The following RO60 variants were observed in gnomAD, a reference collection of about 807,000 sequenced individuals.
The protein encoded by RO60 is Ro60, Y RNA binding protein.
Under a neutral mutation model 55.3 loss-of-function variants are expected in RO60, and 20 were observed. That is an observed-to-expected ratio of 0.36 (90% CI 0.25 to 0.53). The LOEUF (loss-of-function observed/expected upper bound fraction) is 0.53, where lower values mean the gene tolerates loss of function less well. Among genes scored for constraint, RO60 ranks in the 20% least tolerant of loss-of-function variants. The pLI is 0.92. For missense variants in RO60, 558 were observed against 646.6 expected, an observed-to-expected ratio of 0.86 and a Z score of 1.49; for synonymous variants, 213 against 213.6, an observed-to-expected ratio of 1.00 and a Z score of 0.02.
chr1:193,074,143 A>G lies in RO60; in HGVS notation c.581-1677A>G, dbSNP rs192011599. ...TCTTAATCCAGTCTATCATTGCTGG[A>G]CATTTGGGCTGGTTCCAAGTCTTTG... On this transcript the variant is annotated intron_variant, in intron 2 of 8. Transcript: ENST00000400968. Among the ~76,000 whole-genome samples, 68 of 152,232 alleles carry G rather than the reference A, an allele frequency of 4.5e-4. 1 individual carries two copies. In the East Asian group the frequency reaches 9.8e-3, roughly 22 times the overall value.
intron 1 of RO60, among the ~76,000 whole-genome samples, chr1:193,062,108 A>G (rs945838186): frequency 5.3e-5 from 8 of 152,196 alleles, no homozygotes; most frequent in Non-Finnish European, 7.4e-5. Context: ...AGAGCACTAG[A>G]TAGATAGGTC....
chr1:193,077,917 A>G (rs943901066), intron 5 of RO60, among the ~76,000 whole-genome samples: 3 of 148,350 alleles, frequency 2.0e-5, no homozygotes, highest in African/African-American at 7.4e-5. Flanking sequence ...TAATTGGTAG[A>G]TAGATCTCAT....
Position 193,059,754 on chromosome 1 carries a change from A to C in RO60, c.-44A>C. ...CTTCTCCTGGCGGCGCTGCGGATCCAGGGGGTCGGCTGCCAGGTACAGGTG... is the reference window on the plus strand; with the variant it reads ...CTTCTCCTGGCGGCGCTGCGGATCCCGGGGGTCGGCTGCCAGGTACAGGTG... On this transcript the variant is annotated 5_prime_UTR_variant, in exon 1 of 9. Coordinates refer to ENST00000400968, the MANE Select transcript of RO60 (RefSeq NM_001173524.2). The surrounding 1 kb of genome is among the most constrained non-coding windows in gnomAD (Gnocchi z 4.9). 7.4e-7 allele frequency: 1 copy of C among 1,355,834 alleles called. No homozygotes were observed. Among genetic ancestry groups the C allele is most frequent in the Non-Finnish European group, 9.8e-7 (1 of 1,017,164 alleles). 84.0% of individuals were successfully genotyped at this position (1,355,834 alleles called of 1,614,324 possible).
intron 1 of RO60, among the ~76,000 whole-genome samples, chr1:193,066,234 A>G (rs1201991706): frequency 6.6e-6 from 1 of 152,220 alleles, no homozygotes; most frequent in Admixed American, 6.5e-5. Context: ...TCTCTACTGT[A>G]TCTTCAGCTC....
chr1:193,071,181 G>C (rs1211557380), intron 2 of RO60, among the ~76,000 whole-genome samples: 1 of 152,164 alleles, frequency 6.6e-6, no homozygotes. Context: ...CCCAGCTACT[G>C]ATCTGACAGG....
chr1:193,082,090 A>T, intron 6 of RO60, 96 bp from the exon 7 acceptor site: 1 of 780,106 alleles, frequency 1.3e-6, no homozygotes. Flanking sequence ...TAAGAAATAA[A>T]CATCAGTGTT....
rs1437409973 is a variant in RO60 at position 193,088,328 on chromosome 1, A to C, written c.*3597A>C. 1 of 151,630 alleles carries C rather than the reference A, an allele frequency of 6.6e-6. No individual in the cohort carries two copies. The highest frequency in any genetic ancestry group is 1.5e-5 in the Non-Finnish European group (1 of 67,916). The allele number at this position is 151,630 out of a possible 1,614,324, so 9.4% of individuals were successfully genotyped here. A position where few individuals can be genotyped will look rare whatever the true frequency, so the allele number is the denominator to read the frequency against. ...CACCCAGCCAGCAAACATTCTCTTA[A>C]TCTTTTAAAGTAACCAGTAAATCTA... is the stretch of plus-strand genomic sequence containing the variant. On this transcript the variant is annotated 3_prime_UTR_variant, in exon 9 of 9. Transcript: ENST00000400968.
intron 2 of RO60, among the ~76,000 whole-genome samples, chr1:193,075,294 T>C: frequency 6.6e-6 from 1 of 150,770 alleles, no homozygotes; most frequent in East Asian, 1.9e-4. Context: ...GTTTCCTTTT[T>C]TTTTTTTTTT....
chr1:193,082,176 A>C lies in RO60; in HGVS notation c.1204-10A>C. On this transcript the variant is annotated splice_polypyrimidine_tract_variant and intron_variant, in intron 6 of 8. Coordinates refer to ENST00000400968, the MANE Select transcript of RO60 (RefSeq NM_001173524.2). ...AATTTGCTGAAAATTACTGCCATTG[A>C]ATTTTTCAGGTTGTCACACGAACAG... 1.3e-6 allele frequency: 2 copies of C among 1,587,586 alleles called. No homozygotes were observed. Among genetic ancestry groups the C allele is most frequent in the Non-Finnish European group, 1.7e-6 (2 of 1,160,000 alleles).
intron 1 of RO60, among the ~76,000 whole-genome samples, chr1:193,067,734 AG>A (rs1673213871): frequency 6.6e-6 from 1 of 152,188 alleles, no homozygotes; most frequent in African/African-American, 2.4e-5. Context: ...AAGGATAAAG[AG>A]GGATGTTGTT....
At chr1:193,076,832 T>C in intron 4 of RO60, 81 bp from the exon 5 acceptor site, 1 of 1,433,816 alleles carries the variant, frequency 7.0e-7, no homozygotes, top group Admixed American at 2.3e-5. Context: ...AATGTAGTTA[T>C]TAGCTACAAT....
At chr1:193,074,233 A>C (rs1673733863) in intron 2 of RO60, among the ~76,000 whole-genome samples, 1 of 152,118 alleles carries the variant, frequency 6.6e-6, no homozygotes, top group Admixed American at 6.6e-5. Context: ...ATGATTTATA[A>C]TCCTTTGGGT....
rs1213071098 is a variant in RO60 at position 193,089,369 on chromosome 1, C to T, written c.*4638C>T. ...ACTGAGCATATATAGAGATACGTTG[C>T]TTGTGGCATAAAAAGTCTTGTAGAT... On this transcript the variant is annotated 3_prime_UTR_variant, in exon 9 of 9. Coordinates refer to ENST00000400968, the MANE Select transcript of RO60 (RefSeq NM_001173524.2). 1 of 151,944 alleles carries T rather than the reference C, an allele frequency of 6.6e-6. No individual in the cohort carries two copies. The highest frequency in any genetic ancestry group is 2.4e-5 in the African/African-American group (1 of 41,364). 9.4% of individuals were successfully genotyped at this position (151,944 alleles called of 1,614,324 possible).
chr1:193,081,473 T>A lies in RO60; in HGVS notation c.1196T>A (p.Met399Lys), dbSNP rs1205923828. ...ILNASTVAAA[M>K]CMVVTRTEKD... ...AACGCTAGTACAGTTGCTGCAGCAATGTGCATGGTGAGAACACCTAAGACA... is the reference window on the plus strand; with the variant it reads ...AACGCTAGTACAGTTGCTGCAGCAAAGTGCATGGTGAGAACACCTAAGACA... The change falls in exon 6 of 9, where the codon ATG becomes AAG. Residue 399 changes from methionine to lysine, a missense_variant. By Grantham distance (95) the Met-to-Lys change is moderately conservative. Transcript: ENST00000400968. The A allele has an allele frequency of 6.3e-7, 1 of 1,598,044 alleles. No homozygotes were observed. The highest frequency in any genetic ancestry group is 1.3e-5 in the African/African-American group (1 of 74,724).
chr1:193,076,788 T>C, intron 4 of RO60, 125 bp from the exon 5 acceptor site: 1 of 1,331,846 alleles, frequency 7.5e-7, no homozygotes, highest in Non-Finnish European at 1.0e-6. Context: ...AAGTGTAAGT[T>C]TAATACATTT....
chr1:193,080,051 A>G (rs1674200556), intron 5 of RO60, among the ~76,000 whole-genome samples: 1 of 152,066 alleles, frequency 6.6e-6, no homozygotes, highest in African/African-American at 2.4e-5. Context: ...GAATCTCTTG[A>G]ACCCAGGAGG....
rs762889618 is a variant in RO60, at chr1:193,069,171, C to T, written c.117C>T (p.Phe39=). The T allele has an allele frequency of 5.0e-6, 8 of 1,614,042 alleles. No homozygotes were observed. Among genetic ancestry groups the T allele is most frequent in the African/African-American group, 1.3e-5 (1 of 74,922 alleles). ...ATCGACTACACCGGTTCTTATGTTT[C>T]GGTTCTGAAGGTGGGACTTATTATA... is the stretch of plus-strand genomic sequence containing the variant. ...DMNRLHRFLC[F]GSEGGTYYIK... Residue 39 remains phenylalanine (F), a synonymous_variant, in exon 2 of 9, where the codon TTC becomes TTT. Transcript: ENST00000400968.
At chr1:193,060,261 C>T (rs1558224676) in intron 1 of RO60, 3 of 405,716 alleles carry the variant, frequency 7.4e-6, no homozygotes, top group South Asian at 5.0e-5. Flanking sequence ...GAAGGGGATG[C>T]GGTGCGTCAA....
At position 193,091,105 on chromosome 1, in the gene RO60, T is replaced by C. The variant is rs1674839485; in HGVS notation, c.*6374T>C. The C allele has an allele frequency of 6.6e-6, 1 of 152,300 alleles. No homozygotes were observed. Among genetic ancestry groups the C allele is most frequent in the Non-Finnish European group, 1.5e-5 (1 of 68,086 alleles). 9.4% of individuals were successfully genotyped at this position (152,300 alleles called of 1,614,324 possible). ...TGTAACATGATATCCAAGGACCAAGTTGCATATTTAACATCGAATGAAAAT... is the reference window on the plus strand; with the variant it reads ...TGTAACATGATATCCAAGGACCAAGCTGCATATTTAACATCGAATGAAAAT... On this transcript the variant is annotated 3_prime_UTR_variant, in exon 9 of 9. Coordinates refer to ENST00000400968, the MANE Select transcript of RO60 (RefSeq NM_001173524.2).
Sources: allele counts gnomAD v4.1 joint callset (sites outside exome capture counted in the v4.1 genomes callset), GRCh38; gene constraint gnomAD v4.1.1; non-coding constraint Gnocchi (gnomAD v3.1); transcripts MANE v1.5; gene names NCBI Gene and HGNC (gene_info 2026-07-23, HGNC 2026-07-21).